GABBR2: variants seen among roughly 807,000 people sequenced by gnomAD.
GABBR2 encodes the protein G-protein coupled receptor 51.
A neutral mutation model predicts 105.6 loss-of-function variants in GABBR2; 23 were observed. That is an observed-to-expected ratio of 0.22 (90% CI 0.16 to 0.31). The LOEUF is 0.31. Ranked by LOEUF, GABBR2 falls within the 10% of genes least tolerant of loss-of-function variation. The pLI, the probability that GABBR2 is intolerant of heterozygous loss-of-function variation, is 1.00. For synonymous variants in GABBR2, 478 were observed against 499.7 expected, an observed-to-expected ratio of 0.96 and a Z score of 0.58; for missense variants, 734 against 1,245.5, an observed-to-expected ratio of 0.59 and a Z score of 6.18.
intron 7 of GABBR2, among the ~76,000 whole-genome samples, chr9:98,436,022 C>G (rs958809087): frequency 6.6e-6 from 1 of 151,654 alleles, no homozygotes; most frequent in African/African-American, 2.4e-5. Context: ...CACATCTGCC[C>G]TGCTCACAGT....
chr9:98,406,187 C>T lies in GABBR2; in HGVS notation c.1237-46G>A, dbSNP rs761502819. 4.5e-6 allele frequency: 5 copies of T among 1,121,010 alleles called. No homozygotes were observed. In the African/African-American group the frequency reaches 6.4e-5, roughly 14 times the overall value. The allele number at this position is 1,121,010 out of a possible 1,614,324, so 69.4% of individuals were successfully genotyped here. ...ATCAAACAAGAATAAAAGAGAAATG[C>T]CACATTAGCCCAAACGCCACTGATC... On this transcript the variant is annotated intron_variant, in intron 7 of 18. Transcript: ENST00000259455.
intron 7 of GABBR2, among the ~76,000 whole-genome samples, chr9:98,408,890 C>A (rs1180193429): frequency 6.6e-6 from 1 of 152,194 alleles, no homozygotes; most frequent in Admixed American, 6.5e-5. Flanking sequence ...TGGGTTCAGG[C>A]GACCCTCCTG....
At chr9:98,530,659 C>T (rs4355908) in intron 3 of GABBR2, among the ~76,000 whole-genome samples, 51,960 of 151,962 alleles carry the variant, frequency 0.34, 9,129 homozygotes, top group Middle Eastern at 0.49. Context: ...GTGGCGTGTG[C>T]CTGTAGTCTC....
chr9:98,484,646 G>A (rs1312035321), intron 4 of GABBR2, among the ~76,000 whole-genome samples: 1 of 152,158 alleles, frequency 6.6e-6, no homozygotes, highest in Admixed American at 6.5e-5. Context: ...ACTAGGGTAT[G>A]TGCATTCTAG....
chr9:98,454,298 T>G lies in GABBR2; in HGVS notation c.1000-81A>C. 1.1e-6 allele frequency: 1 copy of G among 918,250 alleles called. No homozygotes were observed. Among genetic ancestry groups the G allele is most frequent in the Non-Finnish European group, 1.8e-6 (1 of 551,834 alleles). 56.9% of individuals were successfully genotyped at this position (918,250 alleles called of 1,614,324 possible). A position where few individuals can be genotyped will look rare whatever the true frequency, so the allele number is the denominator to read the frequency against. ...TGCCTGATGCCGAGAAGAGCTGCTA[T>G]TCTTCAATGCCCACAGGGTGCCAGG... On this transcript the variant is annotated intron_variant, in intron 6 of 18. Coordinates refer to ENST00000259455, the MANE Select transcript of GABBR2 (RefSeq NM_005458.8). This position sits in a 1 kb window ranked among gnomAD's most constrained non-coding sequence, Gnocchi z 4.6.
At chr9:98,620,627 G>T (rs1475726944) in intron 1 of GABBR2, among the ~76,000 whole-genome samples, 1 of 152,146 alleles carries the variant, frequency 6.6e-6, no homozygotes, top group Non-Finnish European at 1.5e-5. Flanking sequence ...TAGCAGAAGA[G>T]GTAAGAAGGA....
chr9:98,582,822 C>T (rs931643380), intron 1 of GABBR2, among the ~76,000 whole-genome samples: 3 of 152,114 alleles, frequency 2.0e-5, no homozygotes, highest in Non-Finnish European at 2.9e-5. Context: ...TTCTGTTCCA[C>T]GGCCCTCCCC....
At chr9:98,507,197 C>A (rs949108487) in intron 3 of GABBR2, among the ~76,000 whole-genome samples, 2 of 152,144 alleles carry the variant, frequency 1.3e-5, no homozygotes, top group African/African-American at 4.8e-5. Flanking sequence ...ATGTCCAAAT[C>A]CCTAAAATAT....
At chr9:98,680,718 G>T (rs1830534245) in intron 1 of GABBR2, among the ~76,000 whole-genome samples, 1 of 152,196 alleles carries the variant, frequency 6.6e-6, no homozygotes, top group Non-Finnish European at 1.5e-5. Flanking sequence ...CATCATGGAG[G>T]AGACTTCCCT....
At chr9:98,313,568 T>A (rs887422143) in intron 13 of GABBR2, among the ~76,000 whole-genome samples, 1 of 152,174 alleles carries the variant, frequency 6.6e-6, no homozygotes, top group Non-Finnish European at 1.5e-5. Context: ...AATTGATACA[T>A]CCATACAACT....
Position 98,454,417 on chromosome 9 carries a change from C to A in GABBR2, c.1000-200G>T, listed in dbSNP as rs1396993442. The stretch of plus-strand genomic sequence containing the variant: ...TATTGTCCCCATTTTACAGACCCCC[C>A]ATTTTCAGGGGGGTCAACTTGCTTA... On this transcript the variant is annotated intron_variant, in intron 6 of 18. Transcript: ENST00000259455. The surrounding 1 kb of genome is among the most constrained non-coding windows in gnomAD (Gnocchi z 4.6). Among the ~76,000 whole-genome samples, 1 of 152,106 alleles carries A rather than the reference C, an allele frequency of 6.6e-6. No homozygotes were observed. The highest frequency in any genetic ancestry group is 2.4e-5 in the African/African-American group (1 of 41,412).
intron 1 of GABBR2, among the ~76,000 whole-genome samples, chr9:98,702,361 T>A (rs337561): frequency 6.6e-6 from 1 of 151,926 alleles, no homozygotes; most frequent in African/African-American, 2.4e-5. Flanking sequence ...CACAACACCC[T>A]CTCCTGCCTC....
intron 11 of GABBR2, among the ~76,000 whole-genome samples, chr9:98,375,547 G>T (rs932117774): frequency 2.6e-5 from 4 of 152,160 alleles, no homozygotes; most frequent in Non-Finnish European, 4.4e-5. Flanking sequence ...GCCAGTTTAG[G>T]AGGTCATGAA....
chr9:98,394,184 T>C lies in GABBR2; in HGVS notation c.1369A>G (p.Arg457Gly). The C allele has an allele frequency of 6.2e-7, 1 of 1,612,454 alleles. No individual in the cohort carries two copies. Among genetic ancestry groups the C allele is most frequent in the Non-Finnish European group, 8.5e-7 (1 of 1,178,496 alleles). ...DTLEIINDTI[R>G]FQGSEPPKDK... Reference sequence around the variant, plus strand: ...AGCCCACCTGCCTTACCTTGGAACCTGATGGTGTCATTGATGATCTCCAGT... The same window carrying C: ...AGCCCACCTGCCTTACCTTGGAACCCGATGGTGTCATTGATGATCTCCAGT... Residue 457 changes from arginine (R) to glycine (G), a missense_variant, in exon 9 of 19, where the codon AGG (arginine) becomes GGG (glycine). Arg to Gly is a moderately radical substitution (Grantham distance 125, BLOSUM62 -2). Around this residue, in one of 7 missense-constraint regions of GABBR2, gnomAD observed 370 missense variants for 648.9 expected, o/e 0.57. Coordinates refer to ENST00000259455, the MANE Select transcript of GABBR2 (RefSeq NM_005458.8).
chr9:98,419,409 A>C (rs746449835), intron 7 of GABBR2, among the ~76,000 whole-genome samples: 97 of 152,130 alleles, frequency 6.4e-4, no homozygotes, highest in Non-Finnish European at 9.9e-4. Context: ...CCTGGTGGGG[A>C]AGAAAGAACC....
intron 1 of GABBR2, among the ~76,000 whole-genome samples, chr9:98,640,121 C>CATATATATATATATATATAT (rs6151094): frequency 1.6e-3 from 220 of 140,814 alleles, no homozygotes; most frequent in African/African-American, 2.0e-3. Flanking sequence ...AAAATACAAC[C>CATATATATATATATATATAT]ATATATATAT....
At chr9:98,628,927 C>T (rs1457108739) in intron 1 of GABBR2, among the ~76,000 whole-genome samples, 1 of 152,204 alleles carries the variant, frequency 6.6e-6, no homozygotes, top group Non-Finnish European at 1.5e-5. Context: ...TCTGTCCTTC[C>T]CCACACTGTG....
At chr9:98,614,673 G>A (rs1829554546) in intron 1 of GABBR2, among the ~76,000 whole-genome samples, 1 of 151,846 alleles carries the variant, frequency 6.6e-6, no homozygotes, top group Admixed American at 6.6e-5. Context: ...TCTGCAGTAA[G>A]ATATAACAAT....
intron 2 of GABBR2, among the ~76,000 whole-genome samples, chr9:98,575,216 GC>G (rs1265772021): frequency 6.6e-6 from 1 of 152,134 alleles, no homozygotes; most frequent in Non-Finnish European, 1.5e-5. Flanking sequence ...TACTTTAGCA[GC>G]CCCCTAGGAG....
Sources: allele counts gnomAD v4.1 joint callset (sites outside exome capture counted in the v4.1 genomes callset), GRCh38; gene constraint gnomAD v4.1.1; regional missense constraint gnomAD v4.1.1; non-coding constraint Gnocchi (gnomAD v3.1); transcripts MANE v1.5; gene names NCBI Gene and HGNC (gene_info 2026-07-23, HGNC 2026-07-21).